The following DTNA variants were observed in gnomAD, a reference collection of about 807,000 sequenced individuals.
The protein encoded by DTNA is dystrobrevin alpha.
In DTNA, 43 loss-of-function variants were observed where a neutral mutation model predicts 100.7. The observed-to-expected ratio is 0.43, with a 90% confidence interval of 0.33 to 0.55. The LOEUF is 0.55. Among genes scored for constraint, DTNA ranks in the 20% least tolerant of loss-of-function variants. The pLI is 0.04. For synonymous variants in DTNA, 349 were observed against 347.9 expected, an observed-to-expected ratio of 1.00 and a Z score of -0.04; for missense variants, 798 against 953.9, an observed-to-expected ratio of 0.84 and a Z score of 2.15.
chr18:34,630,194 A>T (rs1319645731), intron 1 of DTNA, among the ~76,000 whole-genome samples: 1 of 151,940 alleles, frequency 6.6e-6, no homozygotes, highest in Non-Finnish European at 1.5e-5. Context: ...ATCTTAAGTG[A>T]CTTCACGTCT....
At chr18:34,513,428 A>G (rs1257989453) in intron 1 of DTNA, 1 of 152,160 alleles carries the variant, frequency 6.6e-6, no homozygotes, top group African/African-American at 2.4e-5. Context: ...TGGTAACATC[A>G]TTTTCTTTAG....
chr18:34,498,158 G>A (rs2039465841), intron 1 of DTNA, among the ~76,000 whole-genome samples: 1 of 152,136 alleles, frequency 6.6e-6, no homozygotes, highest in Non-Finnish European at 1.5e-5. Context: ...GCTCATGCCT[G>A]TAATCCCAGC....
At chr18:34,778,843 A>T (rs1203103080) in intron 3 of DTNA, among the ~76,000 whole-genome samples, 2 of 152,110 alleles carry the variant, frequency 1.3e-5, no homozygotes, top group Non-Finnish European at 2.9e-5. Context: ...TTTGAGACAG[A>T]GTCTTGCTCT....
intron 4 of DTNA, among the ~76,000 whole-genome samples, chr18:34,796,330 T>C (rs1469359132): frequency 6.6e-6 from 1 of 152,364 alleles, no homozygotes; most frequent in East Asian, 1.9e-4. Context: ...GAAGTGAATA[T>C]AAGAAGAGAA....
chr18:34,836,110 G>A (rs762653578), intron 11 of DTNA, among the ~76,000 whole-genome samples: 4 of 152,204 alleles, frequency 2.6e-5, no homozygotes, highest in Non-Finnish European at 5.9e-5. Flanking sequence ...CATAATGAAT[G>A]TATGGAGATC....
intron 1 of DTNA, among the ~76,000 whole-genome samples, chr18:34,498,376 T>C (rs984721468): frequency 4.6e-5 from 7 of 151,098 alleles, no homozygotes; most frequent in Non-Finnish European, 1.0e-4. Flanking sequence ...GAGCTTGCAG[T>C]GAGCCGAGAT....
At chr18:34,878,011 T>C (rs1191309022) in intron 19 of DTNA, among the ~76,000 whole-genome samples, 1 of 152,174 alleles carries the variant, frequency 6.6e-6, no homozygotes, top group East Asian at 1.9e-4. Context: ...TGTCTCTGTG[T>C]TGCCCGGCTG....
rs539912448 is a variant in DTNA, at chr18:34,656,014, G to A, written c.-1-99962G>A. On this transcript the variant is annotated intron_variant, in intron 1 of 19. Transcript: ENST00000283365. ...GTTTACACACACGTGTGCACACTGA[G>A]TGATATTTTATTGTCAACTGCTTCT... 5.9e-5 allele frequency among the ~76,000 whole-genome samples: 9 copies of A among 152,312 alleles called. No homozygotes were observed. The South Asian group carries it at 1.9e-3, about 32-fold the overall frequency.
At chr18:34,572,816 A>T (rs2047720657) in intron 1 of DTNA, among the ~76,000 whole-genome samples, 2 of 152,212 alleles carry the variant, frequency 1.3e-5, no homozygotes, top group African/African-American at 4.8e-5. Flanking sequence ...AAATACAGCT[A>T]GGTGGTTCAT....
chr18:34,883,656 T>TG (rs2096895165), intron 21 of DTNA, among the ~76,000 whole-genome samples: 1 of 151,988 alleles, frequency 6.6e-6, no homozygotes, highest in African/African-American at 2.4e-5. Flanking sequence ...ACTTTGTTAT[T>TG]GAAAAAAAAG....
chr18:34,705,010 T>G (rs2081939743), intron 1 of DTNA, among the ~76,000 whole-genome samples: 1 of 152,096 alleles, frequency 6.6e-6, no homozygotes, highest in Admixed American at 6.6e-5. Context: ...ACTTATTGAG[T>G]TACCTGACAG....
At chr18:34,611,238 T>A (rs1043954235) in intron 1 of DTNA, among the ~76,000 whole-genome samples, 5 of 152,204 alleles carry the variant, frequency 3.3e-5, no homozygotes, top group African/African-American at 1.2e-4. Context: ...TGTGGTTTAT[T>A]TGCTTACAAC....
chr18:34,637,527 C>A (rs1272454022), intron 1 of DTNA, among the ~76,000 whole-genome samples: 2 of 152,170 alleles, frequency 1.3e-5, no homozygotes, highest in African/African-American at 4.8e-5. Flanking sequence ...TTCCGTTTGG[C>A]TCTCAGATAC....
intron 3 of DTNA, among the ~76,000 whole-genome samples, chr18:34,786,620 T>C (rs184158351): frequency 2.2e-3 from 326 of 151,430 alleles, no homozygotes; most frequent in African/African-American, 7.6e-3. Flanking sequence ...CGCATGGATA[T>C]ACACACACAC....
intron 1 of DTNA, among the ~76,000 whole-genome samples, chr18:34,531,002 G>A (rs2043088369): frequency 6.6e-6 from 1 of 152,082 alleles, no homozygotes; most frequent in South Asian, 2.1e-4. Context: ...ACATTTCTGT[G>A]CAGTCATAGA....
chr18:34,739,704 C>T (rs188496873), intron 1 of DTNA, among the ~76,000 whole-genome samples: 1 of 152,156 alleles, frequency 6.6e-6, no homozygotes, highest in East Asian at 1.9e-4. Flanking sequence ...AACAGAAAAA[C>T]ATCTCTAACC....
intron 1 of DTNA, among the ~76,000 whole-genome samples, chr18:34,639,460 G>A (rs2059022072): frequency 6.6e-6 from 1 of 152,142 alleles, no homozygotes; most frequent in African/African-American, 2.4e-5. Context: ...AAGAAGACAA[G>A]GATAAATAAT....
At chr18:34,674,030 T>C (rs1241783822) in intron 1 of DTNA, among the ~76,000 whole-genome samples, 4 of 152,178 alleles carry the variant, frequency 2.6e-5, no homozygotes, top group Non-Finnish European at 5.9e-5. Context: ...TGGGCTGTGA[T>C]TTGATGGAAA....
rs1283463341 is a variant in DTNA at position 34,891,233 on chromosome 18, G to T, written c.*3499G>T. 6.6e-6 allele frequency: 1 copy of T among 152,148 alleles called. No homozygotes were observed. Among genetic ancestry groups the T allele is most frequent in the Admixed American group, 6.6e-5 (1 of 15,250 alleles). The allele number at this position is 152,148 out of a possible 1,614,324, so 9.4% of individuals were successfully genotyped here. On this transcript the variant is annotated 3_prime_UTR_variant, in exon 23 of 23. Coordinates refer to ENST00000444659, the MANE Select transcript of DTNA (RefSeq NM_001386795.1). ...GGTATTGTAAAAAAAAAATACTATT[G>T]TATGGATTTTTGTATTGCTGTTAAG...
Sources: allele counts gnomAD v4.1 joint callset (sites outside exome capture counted in the v4.1 genomes callset), GRCh38; gene constraint gnomAD v4.1.1; transcripts MANE v1.5; gene names NCBI Gene and HGNC (gene_info 2026-07-23, HGNC 2026-07-21).